RSPH10B: variants seen among roughly 807,000 people sequenced by gnomAD.
RSPH10B encodes the protein radial spoke head 10 homolog B.
RSPH10B carries 7 observed loss-of-function variants against 52.5 expected under a neutral mutation model. The observed-to-expected ratio is 0.13, with a 90% CI of 0.08 to 0.25. RSPH10B has a LOEUF of 0.25. RSPH10B is among the 10% of genes least tolerant of loss of function. The pLI is 1.00. For synonymous variants in RSPH10B, 28 were observed against 193.2 expected, an observed-to-expected ratio of 0.14 and a Z score of 7.09; for missense variants, 89 against 542.5, an observed-to-expected ratio of 0.16 and a Z score of 8.30.
upstream of RSPH10B, among the ~76,000 whole-genome samples, chr7:5,968,576 G>A (rs1781186157): frequency 1.5e-5 from 1 of 68,430 alleles, no homozygotes; most frequent in Non-Finnish European, 3.2e-5. Context: ...GTGCGATCTT[G>A]GCTCACTGCA....
chr7:5,947,806 A>T (rs1284536116), intron 10 of RSPH10B, among the ~76,000 whole-genome samples: 1 of 88,284 alleles, frequency 1.1e-5, no homozygotes, highest in Non-Finnish European at 2.5e-5. Flanking sequence ...CTGTTTCCTA[A>T]CGGGCCATGG....
Position 5,943,087 on chromosome 7 carries a change from G to A in RSPH10B, c.1758+237C>T, listed in dbSNP as rs577658674. 17 of 835,210 alleles carry A rather than the reference G, an allele frequency of 2.0e-5. No individual in the cohort carries two copies. The East Asian group carries it at 4.9e-4, about 24-fold the overall frequency. 51.7% of individuals were successfully genotyped at this position (835,210 alleles called of 1,614,324 possible). On this transcript the variant is annotated intron_variant, in intron 13 of 18. Transcript: ENST00000337579. ...CCATGGGCCATTGTTATAGGCCATG[G>A]ACCATTGTCTTGCCCTAATCTGTTA...
rs559255622 is a variant in RSPH10B, at chr7:5,944,355, G to A, written c.1530-365C>T. ...GGAGGTTGCAGTGAGCCGAGATCGC[G>A]CCACTGCACTCCAGCCTGGGTGACA... On this transcript the variant is annotated intron_variant, in intron 11 of 18. Coordinates refer to ENST00000337579, the Ensembl canonical transcript of RSPH10B. Among the ~76,000 whole-genome samples, 693 of 150,604 alleles carry A rather than the reference G, an allele frequency of 4.6e-3. 25 individuals carry two copies. Among genetic ancestry groups the A allele is most frequent in the African/African-American group, 0.016 (662 of 40,608 alleles).
intron 7 of RSPH10B, among the ~76,000 whole-genome samples, chr7:5,954,168 C>A (rs62454731): frequency 0.36 from 38,247 of 107,242 alleles, 5,161 homozygotes; most frequent in Non-Finnish European, 0.45. Context: ...TGAGGTGGAG[C>A]CTCGCTGTCA....
intron 7 of RSPH10B, among the ~76,000 whole-genome samples, chr7:5,954,440 A>G (rs1338556639): frequency 4.1e-5 from 1 of 24,278 alleles, no homozygotes; most frequent in Admixed American, 4.9e-4. Context: ...AGCCTGGCCA[A>G]GACTCCCTGA....
exon 1 of RSPH10B, chr7:5,966,863 C>G: frequency 7.3e-7 from 1 of 1,364,382 alleles, no homozygotes; most frequent in African/African-American, 1.6e-5. Flanking sequence ...TTAAAATCAC[C>G]TTTCCACTAT....
At position 5,926,394 on chromosome 7, in the gene RSPH10B, T is replaced by TG. The variant is rs770616781; in HGVS notation, c.2586dup (p.Ile863HisfsTer25). ...TACTTTTTCTTCTTCTTGCTGGTGA[T>TG]GGTCTTGCTGGATGGGGACACGGTC... On this transcript the variant is annotated frameshift_variant, in exon 19 of 19. Coordinates refer to ENST00000337579, the Ensembl canonical transcript of RSPH10B. LOFTEE classifies it high-confidence loss of function. The TG allele has an allele frequency of 6.7e-7, 1 of 1,495,342 alleles. No individual in the cohort carries two copies. Among genetic ancestry groups the TG allele is most frequent in the Non-Finnish European group, 9.2e-7 (1 of 1,090,550 alleles). 92.6% of individuals were successfully genotyped at this position (1,495,342 alleles called of 1,614,324 possible).
chr7:5,926,178 TG>T (rs200746755), exon 19 of RSPH10B: 70 of 455,432 alleles, frequency 1.5e-4, no homozygotes, highest in Admixed American at 8.5e-4. Flanking sequence ...TTTGCAGAGA[TG>T]GGGGGGTCTC....
At chr7:5,928,693 G>A (rs565264982) in intron 17 of RSPH10B, among the ~76,000 whole-genome samples, 5 of 146,552 alleles carry the variant, frequency 3.4e-5, no homozygotes, top group African/African-American at 1.3e-4. Flanking sequence ...GTGCAGTGGC[G>A]TGATCTCTGC....
intron 13 of RSPH10B, among the ~76,000 whole-genome samples, chr7:5,942,785 C>T (rs1181249342): frequency 6.6e-6 from 1 of 150,608 alleles, no homozygotes; most frequent in East Asian, 1.9e-4. Flanking sequence ...TTGCTTGAAC[C>T]CAGGAGGTGG....
intron 13 of RSPH10B, among the ~76,000 whole-genome samples, chr7:5,940,196 A>AAATAAT (rs57148359): frequency 7.4e-5 from 3 of 40,386 alleles, no homozygotes; most frequent in Non-Finnish European, 1.1e-4. Flanking sequence ...GACTGTCTCA[A>AAATAAT]AATAATAATA....
At chr7:5,943,604 C>T (rs1780324716) in intron 12 of RSPH10B, 132 bp from the exon 15 acceptor site, 1 of 693,780 alleles carries the variant, frequency 1.4e-6, no homozygotes, top group African/African-American at 1.9e-5. Context: ...AGTGCAGTGG[C>T]ACCATCTTGG....
At position 5,952,729 on chromosome 7, in the gene RSPH10B, C is replaced by CT. The variant is rs1184827967; in HGVS notation, c.1102+345dup. ...GGATAAAAACAGATGAATTTTATTT[C>CT]TTTTTTTTTTTCCATTTTATTTATT... On this transcript the variant is annotated intron_variant, in intron 8 of 18. Transcript: ENST00000337579. Among the ~76,000 whole-genome samples, 404 of 81,604 alleles carry CT rather than the reference C, an allele frequency of 5.0e-3. 19 individuals are homozygous for CT. Among genetic ancestry groups the CT allele is most frequent in the African/African-American group, 0.015 (264 of 17,084 alleles). 53.5% of individuals were successfully genotyped at this position (81,604 alleles called of 152,430 possible).
At chr7:5,931,862 G>GC (rs1172489566) in intron 17 of RSPH10B, among the ~76,000 whole-genome samples, 2 of 151,030 alleles carry the variant, frequency 1.3e-5, no homozygotes, top group African/African-American at 4.9e-5. Context: ...AGTGATGGGT[G>GC]CCTGTAATCC....
At chr7:5,929,110 C>T (rs1779685391) in intron 17 of RSPH10B, among the ~76,000 whole-genome samples, 1 of 146,336 alleles carries the variant, frequency 6.8e-6, no homozygotes. Flanking sequence ...CTCCTGGGCT[C>T]AAGTGATCCT....
chr7:5,968,631 T>C (rs529795784), upstream of RSPH10B, among the ~76,000 whole-genome samples: 252 of 70,282 alleles, frequency 3.6e-3, 16 homozygotes, highest in African/African-American at 0.01. Context: ...CTCAGCCTCC[T>C]GAGTAGCTAG....
intron 9 of RSPH10B, among the ~76,000 whole-genome samples, chr7:5,950,000 AAAAAAAAAAAC>A (rs1780520972): frequency 2.2e-5 from 1 of 45,138 alleles, no homozygotes; most frequent in South Asian, 9.2e-4. Context: ...TCAACAAGAA[AAAAAAAAAAAC>A]AAAAAAAAAG....
chr7:5,927,048 T>TGTGTGTGTGTGTGTGTGTGTGTGTGTGTG (rs1347951159), intron 18 of RSPH10B, among the ~76,000 whole-genome samples: 2 of 70,832 alleles, frequency 2.8e-5, no homozygotes, highest in African/African-American at 8.6e-5. Context: ...TGTGTGTGTA[T>TGTGTGTGTGTGTGTGTGTGTGTGTGTGTG]TATGTGTGTG....
intron 17 of RSPH10B, among the ~76,000 whole-genome samples, chr7:5,931,910 AC>A (rs1484736490): frequency 3.7e-4 from 56 of 151,224 alleles, no homozygotes; most frequent in African/African-American, 1.4e-3. Flanking sequence ...AATCACTTGA[AC>A]CCAGGAGGCA....
Sources: gnomAD v4.1 joint callset for allele counts (sites outside exome capture counted in the v4.1 genomes callset) on GRCh38, gnomAD v4.1.1 for gene constraint, MANE v1.5 for transcripts, NCBI Gene and HGNC (gene_info 2026-07-23, HGNC 2026-07-21) for gene names.